Variants in FNIP1 observed in about 807,000 individuals in gnomAD.
The protein encoded by FNIP1 is folliculin interacting protein 1, also known as folliculin-interacting protein 1.
FNIP1 carries 40 observed loss-of-function variants against 124.5 expected under a neutral mutation model. The observed-to-expected ratio is 0.32, with a 90% CI of 0.25 to 0.42. FNIP1 has a LOEUF of 0.42. Among genes scored for constraint, FNIP1 ranks in the 10% least tolerant of loss-of-function variants. FNIP1 has a pLI of 1.00. For missense variants in FNIP1, 1,176 were observed against 1,403.7 expected (o/e 0.84, Z 2.59); for synonymous variants, 472 against 470.6 (o/e 1.00, Z -0.04).
chr5:131,744,422 G>A, intron 2 of FNIP1, 142 bp downstream of exon 2: 3 of 770,992 alleles, frequency 3.9e-6, no homozygotes, highest in Non-Finnish European at 5.8e-6. Flanking sequence ...CAAAATGTTA[G>A]ATTCACCAAA....
At chr5:131,674,686 C>T (rs1362254284) in intron 13 of FNIP1, among the ~76,000 whole-genome samples, 1 of 152,088 alleles carries the variant, frequency 6.6e-6, no homozygotes, top group African/African-American at 2.4e-5. Flanking sequence ...CCACCACACT[C>T]CAGCCTGTGC....
intron 15 of FNIP1, among the ~76,000 whole-genome samples, chr5:131,664,058 T>A (rs1397408830): frequency 6.6e-6 from 1 of 152,154 alleles, no homozygotes; most frequent in Non-Finnish European, 1.5e-5. Flanking sequence ...GAAGGGTTGA[T>A]CTCATAAAGG....
At chr5:131,762,935 A>G (rs1159780452) in intron 1 of FNIP1, among the ~76,000 whole-genome samples, 1 of 152,210 alleles carries the variant, frequency 6.6e-6, no homozygotes, top group African/African-American at 2.4e-5. Context: ...CAAACTTTCC[A>G]TCTTCTCACT....
At chr5:131,693,341 T>TATAC (rs1768570818) in intron 11 of FNIP1, among the ~76,000 whole-genome samples, 1 of 127,234 alleles carries the variant, frequency 7.9e-6, no homozygotes, top group South Asian at 2.5e-4. Flanking sequence ...TACATATATA[T>TATAC]ATATATATAT....
At chr5:131,788,742 T>C (rs1422860312) in intron 1 of FNIP1, among the ~76,000 whole-genome samples, 2 of 147,022 alleles carry the variant, frequency 1.4e-5, no homozygotes, top group Non-Finnish European at 3.0e-5. Context: ...TTTCATAAAC[T>C]ACACTTTAAA....
At chr5:131,689,152 C>A (rs200999566) in intron 11 of FNIP1, among the ~76,000 whole-genome samples, 190 of 139,836 alleles carry the variant, frequency 1.4e-3, no homozygotes, top group Middle Eastern at 3.6e-3. Flanking sequence ...AGAAACTATG[C>A]AAAAAAAAAA....
At chr5:131,784,282 C>T (rs998538683) in intron 1 of FNIP1, among the ~76,000 whole-genome samples, 21 of 151,812 alleles carry the variant, frequency 1.4e-4, no homozygotes, top group Admixed American at 3.9e-4. Context: ...TCAAAGAAAA[C>T]GAAACACAAA....
chr5:131,755,806 C>T (rs1771032063), intron 1 of FNIP1, among the ~76,000 whole-genome samples: 1 of 151,814 alleles, frequency 6.6e-6, no homozygotes, highest in African/African-American at 2.4e-5. Context: ...GTCAGGAGTT[C>T]GAGACCACCC....
At chr5:131,653,903 G>A (rs575167962) in intron 15 of FNIP1, among the ~76,000 whole-genome samples, 145 of 152,092 alleles carry the variant, frequency 9.5e-4, no homozygotes, top group African/African-American at 3.4e-3. Flanking sequence ...CACCACGCCC[G>A]GCTAATTTTT....
intron 3 of FNIP1, among the ~76,000 whole-genome samples, chr5:131,722,848 G>C (rs892071766): frequency 1.3e-5 from 2 of 152,094 alleles, no homozygotes; most frequent in Admixed American, 1.3e-4. Flanking sequence ...ACCATACCCA[G>C]CTAATTTTTG....
chr5:131,787,730 A>G (rs1336816278), intron 1 of FNIP1, among the ~76,000 whole-genome samples: 1 of 152,256 alleles, frequency 6.6e-6, no homozygotes, highest in Non-Finnish European at 1.5e-5. Context: ...AACAGTGTGC[A>G]GCACAGATCA....
intron 1 of FNIP1, among the ~76,000 whole-genome samples, chr5:131,789,480 C>T (rs1005629849): frequency 6.6e-6 from 1 of 152,050 alleles, no homozygotes; most frequent in African/African-American, 2.4e-5. Context: ...AAAAATAACT[C>T]GGCACTACAG....
intron 1 of FNIP1, among the ~76,000 whole-genome samples, chr5:131,785,100 AC>A (rs1386070898): frequency 3.3e-4 from 7 of 21,164 alleles, no homozygotes; most frequent in Non-Finnish European, 7.2e-4. Flanking sequence ...GATATATATG[AC>A]TATATATATA....
rs1767754858 is a variant in FNIP1, at chr5:131,671,670, A to T, written c.2774T>A (p.Ile925Asn). The T allele has an allele frequency of 3.7e-6, 6 of 1,614,062 alleles. No homozygotes were observed. In the African/African-American group the frequency reaches 5.3e-5, roughly 14 times the overall value. ...AATGTCCCATTCAGTTCCTACAGCA[A>T]TTTTTTTATCTGAACTCTCTTTATC... ...HGDKESSDKK[I>N]AVGTEWDIPR... The change falls in exon 14 of 18, where the codon ATT becomes AAT. Residue 925 changes from isoleucine to asparagine, a missense_variant. Transcript: ENST00000510461.
At chr5:131,734,005 G>A (rs1044500370) in intron 2 of FNIP1, among the ~76,000 whole-genome samples, 2 of 152,114 alleles carry the variant, frequency 1.3e-5, no homozygotes, top group African/African-American at 4.8e-5. Context: ...CTCAATTTCA[G>A]AGCCTGTTAC....
chr5:131,794,229 T>TAAAAA (rs60617618), intron 1 of FNIP1, among the ~76,000 whole-genome samples: 9 of 48,450 alleles, frequency 1.9e-4, no homozygotes, highest in South Asian at 6.8e-4. Context: ...AGACTCCATC[T>TAAAAA]AAAAAAAAAA....
intron 1 of FNIP1, among the ~76,000 whole-genome samples, chr5:131,764,970 T>G (rs181411030): frequency 3.3e-4 from 50 of 152,180 alleles, no homozygotes; most frequent in African/African-American, 1.2e-3. Flanking sequence ...CACCTGTAAT[T>G]CCAGCAATTT....
In FNIP1 at chr5:131,679,134, T is replaced by C; in HGVS notation, c.1244A>G (p.Glu415Gly). The change falls in exon 12 of 18, where the codon GAA (glutamate) becomes GGA (glycine). Residue 415 changes from glutamate to glycine, a missense_variant. Physicochemically the swap from Glu to Gly is moderately conservative, Grantham distance 98. Coordinates refer to ENST00000510461, the MANE Select transcript of FNIP1 (RefSeq NM_133372.3). ...CGACATCATTGTAAGCCAGACAGGTTCTCCAATTCGTGGCATCGTGTAAAG... is the reference window on the plus strand; with the variant it reads ...CGACATCATTGTAAGCCAGACAGGTCCTCCAATTCGTGGCATCGTGTAAAG... The part of the protein sequence containing the change: ...CNLYTMPRIG[E>G]PVWLTMMSGT... 6.2e-7 allele frequency: 1 copy of C among 1,601,422 alleles called. No individual in the cohort carries two copies. Among genetic ancestry groups the C allele is most frequent in the Non-Finnish European group, 8.6e-7 (1 of 1,168,976 alleles).
intron 1 of FNIP1, among the ~76,000 whole-genome samples, chr5:131,788,727 C>A (rs1169183488): frequency 1.3e-5 from 2 of 149,130 alleles, no homozygotes; most frequent in Non-Finnish European, 3.0e-5. Context: ...GAAGTGATAT[C>A]CAAGTTTCAT....
Sources: allele counts gnomAD v4.1 joint callset (sites outside exome capture counted in the v4.1 genomes callset), GRCh38; gene constraint gnomAD v4.1.1; transcripts MANE v1.5; gene names NCBI Gene and HGNC (gene_info 2026-07-23, HGNC 2026-07-21).